The following CREB5 variants were observed in gnomAD, a reference collection of about 807,000 sequenced individuals.
CREB5 encodes the protein cyclic AMP-responsive element-binding protein 5.
CREB5 carries 19 observed loss-of-function variants against 57.1 expected under a neutral mutation model. The observed-to-expected ratio is 0.33, with a 90% CI of 0.23 to 0.49. The LOEUF (loss-of-function observed/expected upper bound fraction) is 0.49. Among genes scored for constraint, CREB5 ranks in the 20% least tolerant of loss-of-function variants. The pLI is 0.99. For missense variants in CREB5, 579 were observed against 671.6 expected, an observed-to-expected ratio of 0.86 and a Z score of 1.52; for synonymous variants, 238 against 238.3, an observed-to-expected ratio of 1.00 and a Z score of 0.01.
intron 4 of CREB5, among the ~76,000 whole-genome samples, chr7:28,567,056 A>T (rs752079468): frequency 6.6e-6 from 1 of 152,236 alleles, no homozygotes. Flanking sequence ...GTGCCGCAGC[A>T]TAAGTCAGTT....
At chr7:28,599,223 ATATATAT>A (rs754789673) in intron 5 of CREB5, among the ~76,000 whole-genome samples, 1 of 152,046 alleles carries the variant, frequency 6.6e-6, no homozygotes, top group Admixed American at 6.6e-5. Context: ...TATACAGGAT[ATATATAT>A]TATATATCTA....
intron 5 of CREB5, among the ~76,000 whole-genome samples, chr7:28,607,599 G>C (rs904627173): frequency 1.3e-5 from 2 of 152,172 alleles, no homozygotes; most frequent in African/African-American, 4.8e-5. Flanking sequence ...AGTACACAAT[G>C]CTCAGTGGTT....
At chr7:28,529,363 G>A (rs1335295048) in intron 4 of CREB5, among the ~76,000 whole-genome samples, 1 of 152,170 alleles carries the variant, frequency 6.6e-6, no homozygotes, top group Non-Finnish European at 1.5e-5. Flanking sequence ...CTGTTGGCAG[G>A]CAGAAAAGGA....
chr7:28,391,810 T>G (rs1423061476), intron 1 of CREB5, among the ~76,000 whole-genome samples: 1 of 152,210 alleles, frequency 6.6e-6, no homozygotes, highest in East Asian at 1.9e-4. Context: ...GCTCTTTACC[T>G]TCTATGTAAT....
At position 28,823,465 on chromosome 7, in the gene CREB5, T is replaced by C. The variant is rs1809894449; in HGVS notation, c.*4186T>C. On this transcript the variant is annotated 3_prime_UTR_variant, in exon 11 of 11. Transcript: ENST00000357727. ...TATGTGTATTTTCATTTTTCAGGGT[T>C]TCAAATGGCTATTCTCCATCATTTG... The C allele has an allele frequency of 6.6e-6, 1 of 152,668 alleles. No homozygotes were observed. The highest frequency in any genetic ancestry group is 1.5e-5 in the Non-Finnish European group (1 of 68,042). The allele number at this position is 152,668 out of a possible 1,614,324, so 9.5% of individuals were successfully genotyped here.
chr7:28,409,972 G>T, upstream of CREB5: 1 of 454,796 alleles, frequency 2.2e-6, no homozygotes, highest in South Asian at 1.6e-5. This position sits in a 1 kb window ranked among gnomAD's most constrained non-coding sequence, Gnocchi z 4.4. Flanking sequence ...ACCTCCCCCC[G>T]CGTCCCCAGC....
At chr7:28,356,091 C>G (rs1422545370) in intron 1 of CREB5, among the ~76,000 whole-genome samples, 1 of 152,150 alleles carries the variant, frequency 6.6e-6, no homozygotes, top group Non-Finnish European at 1.5e-5. Context: ...GAGTAAAGCA[C>G]CAGCATAACC....
chr7:28,739,060 A>T (rs1203248866), intron 7 of CREB5, among the ~76,000 whole-genome samples: 8 of 152,232 alleles, frequency 5.3e-5, no homozygotes, highest in Admixed American at 5.2e-4. Flanking sequence ...ATATTATGAT[A>T]AAGTCAAGCA....
intron 5 of CREB5, among the ~76,000 whole-genome samples, chr7:28,648,404 C>T (rs764028954): frequency 1.3e-5 from 2 of 152,040 alleles, no homozygotes; most frequent in Admixed American, 6.6e-5. Context: ...GTATTGCCCT[C>T]GACGCTGAAC....
chr7:28,423,815 A>C (rs1337612198), intron 1 of CREB5, among the ~76,000 whole-genome samples: 1 of 152,202 alleles, frequency 6.6e-6, no homozygotes, highest in Non-Finnish European at 1.5e-5. Context: ...AACTTCTCCC[A>C]GAGAGTGGCT....
intron 1 of CREB5, among the ~76,000 whole-genome samples, chr7:28,327,590 C>A (rs181261284): frequency 2.5e-4 from 38 of 152,358 alleles, no homozygotes; most frequent in Admixed American, 2.1e-3. Context: ...GCCCTTCCCA[C>A]TTCTCCCATA....
At chr7:28,470,432 T>C (rs1790758164) in intron 1 of CREB5, among the ~76,000 whole-genome samples, 1 of 152,208 alleles carries the variant, frequency 6.6e-6, no homozygotes, top group African/African-American at 2.4e-5. Flanking sequence ...TGAATAGTAC[T>C]CCATTGTGTA....
chr7:28,555,751 T>G (rs560359840), intron 4 of CREB5, among the ~76,000 whole-genome samples: 19 of 152,196 alleles, frequency 1.2e-4, no homozygotes, highest in Non-Finnish European at 2.4e-4. Context: ...ACAAAGCCTT[T>G]TGTCCAGGAA....
intron 4 of CREB5, among the ~76,000 whole-genome samples, chr7:28,560,801 T>A (rs1318904395): frequency 1.7e-5 from 1 of 58,588 alleles, no homozygotes; most frequent in Non-Finnish European, 3.8e-5. Context: ...TTCCACAGTG[T>A]GTGTGCGCGT....
intron 1 of CREB5, among the ~76,000 whole-genome samples, chr7:28,352,211 C>T (rs998124585): frequency 6.6e-6 from 1 of 152,176 alleles, no homozygotes; most frequent in African/African-American, 2.4e-5. Context: ...AAGGTCCCTT[C>T]CTTTGAGGAA....
rs75961750 is a variant in CREB5 at position 28,302,467 on chromosome 7, T to C, written c.-25+3026T>C. Among the ~76,000 whole-genome samples, 22 of 152,354 alleles carry C rather than the reference T, an allele frequency of 1.4e-4. No homozygotes were observed. In the East Asian group the frequency reaches 3.7e-3, roughly 25 times the overall value. On this transcript the variant is annotated intron_variant, in intron 1 of 9. Coordinates refer to the CREB5 transcript ENST00000396299. The stretch of plus-strand genomic sequence containing the variant: ...GGAAATCAAACTACATGGAACATAA[T>C]TATCTAAATTGCAGGATTTTAATAT...
intron 4 of CREB5, among the ~76,000 whole-genome samples, chr7:28,570,098 A>G (rs1459348108): frequency 6.6e-6 from 1 of 152,222 alleles, no homozygotes; most frequent in East Asian, 1.9e-4. Flanking sequence ...AATATCTCTG[A>G]TGCAAACCTC....
intron 1 of CREB5, among the ~76,000 whole-genome samples, chr7:28,307,097 C>T (rs1011870982): frequency 8.5e-5 from 13 of 152,216 alleles, no homozygotes; most frequent in East Asian, 1.9e-4. Context: ...CACTCTCAGC[C>T]GATAAAGAGA....
intron 7 of CREB5, among the ~76,000 whole-genome samples, chr7:28,737,316 G>C (rs1028200243): frequency 6.6e-6 from 1 of 151,542 alleles, no homozygotes; most frequent in African/African-American, 2.4e-5. Context: ...AAGAAGCAAG[G>C]TGAGGCATTG....
Sources: gnomAD v4.1 joint callset for allele counts (sites outside exome capture counted in the v4.1 genomes callset) on GRCh38, gnomAD v4.1.1 for gene constraint, Gnocchi (gnomAD v3.1) non-coding constraint, MANE v1.5 for transcripts, NCBI Gene and HGNC (gene_info 2026-07-23, HGNC 2026-07-21) for gene names.